NLGN4Y: variants seen among roughly 807,000 people sequenced by gnomAD.
NLGN4Y encodes the protein neuroligin 4 Y-linked.
NLGN4Y carries 4 observed loss-of-function variants against 8.4 expected under a neutral mutation model. The observed-to-expected ratio is 0.48, with a 90% confidence interval of 0.23 to 1.09. The LOEUF (loss-of-function observed/expected upper bound fraction) is 1.09, where lower values mean the gene tolerates loss of function less well. Ranked by LOEUF, NLGN4Y falls within the 50% of genes least tolerant of loss-of-function variation. NLGN4Y has a pLI of 0.19. For synonymous variants in NLGN4Y, 35 were observed against 75.6 expected (o/e 0.46, Z 2.78); for missense variants, 90 against 192.3 (o/e 0.47, Z 3.15).
intron 5 of NLGN4Y, among the ~76,000 whole-genome samples, chrY:14,828,752 T>G (rs2043158874): frequency 3.0e-5 from 1 of 33,656 alleles, no homozygotes; most frequent in African/African-American, 1.2e-4. Context: ...GACTTACAGC[T>G]GAATGCTTTA....
intron 2 of NLGN4Y, among the ~76,000 whole-genome samples, chrY:14,718,803 T>C: frequency 3.0e-5 from 1 of 33,724 alleles, no homozygotes; most frequent in South Asian, 6.5e-4. Flanking sequence ...TAGTAGATGT[T>C]AATACAAGAA....
intron 4 of NLGN4Y, among the ~76,000 whole-genome samples, chrY:14,761,407 T>C: frequency 1.2e-4 from 4 of 34,059 alleles, no homozygotes; most frequent in African/African-American, 4.6e-4. Flanking sequence ...ATTGAAAGCA[T>C]GTGCTTACTG....
chrY:14,833,331 C>T (rs2150598375), intron 6 of NLGN4Y, among the ~76,000 whole-genome samples: 1 of 33,276 alleles, frequency 3.0e-5, no homozygotes, highest in East Asian at 7.9e-4. Context: ...CATACATCCT[C>T]ATCAGCTGAC....
chrY:14,594,059 CTCAGA>C lies in NLGN4Y; in HGVS notation c.-111-27948_-111-27944del, dbSNP rs763202350. On this transcript the variant is annotated intron_variant, in intron 1 of 6. Coordinates refer to ENST00000684976, the MANE Select transcript of NLGN4Y (RefSeq NM_001365588.1). ...CTGATTACAGGCTGCCCCAGGATTC[CTCAGA>C]TGGTAACTGACCTTGAGGACAGTCG... is the stretch of plus-strand genomic sequence containing the variant. Among the ~76,000 whole-genome samples the C allele has an allele frequency of 1.2e-4, 4 of 33,767 alleles. No homozygotes were observed. In the East Asian group the frequency reaches 3.1e-3, roughly 27 times the overall value. 90.6% of individuals were successfully genotyped at this position (33,767 alleles called of 37,273 possible). A position where few individuals can be genotyped will look rare whatever the true frequency, so the allele number is the denominator to read the frequency against.
At chrY:14,826,196 A>T (rs1006574978) in intron 5 of NLGN4Y, among the ~76,000 whole-genome samples, 2 of 33,478 alleles carry the variant, frequency 6.0e-5, no homozygotes, top group African/African-American at 2.3e-4. Flanking sequence ...GGTACAAATG[A>T]ATATTCATAA....
chrY:14,770,607 C>G, intron 4 of NLGN4Y, among the ~76,000 whole-genome samples: 1 of 33,718 alleles, frequency 3.0e-5, no homozygotes. Context: ...AAAACCAGCG[C>G]AAAAAGCCTG....
intron 2 of NLGN4Y, among the ~76,000 whole-genome samples, chrY:14,685,415 G>C (rs2080785943): frequency 3.0e-5 from 1 of 33,049 alleles, no homozygotes; most frequent in African/African-American, 1.2e-4. Flanking sequence ...ATACTAAAAG[G>C]CCATTACCTT....
chrY:14,542,224 G>A (rs2080151646), intron 1 of NLGN4Y, among the ~76,000 whole-genome samples: 1 of 33,806 alleles, frequency 3.0e-5, no homozygotes, highest in Admixed American at 2.6e-4. Context: ...TAATGGTAAA[G>A]GGATCAATGC....
chrY:14,584,148 A>G (rs2080329640), intron 1 of NLGN4Y, among the ~76,000 whole-genome samples: 2 of 32,859 alleles, frequency 6.1e-5, no homozygotes, highest in Non-Finnish European at 1.5e-4. Flanking sequence ...TATTTTTTGA[A>G]ACATAGTTTC....
chrY:14,640,840 A>G, intron 2 of NLGN4Y, among the ~76,000 whole-genome samples: 2 of 34,052 alleles, frequency 5.9e-5, no homozygotes, highest in East Asian at 1.6e-3. Flanking sequence ...TTTAGCTTTT[A>G]TATCAGTTCT....
chrY:14,731,227 G>A, intron 4 of NLGN4Y, among the ~76,000 whole-genome samples: 2 of 31,896 alleles, frequency 6.3e-5, no homozygotes, highest in Non-Finnish European at 1.5e-4. Context: ...TAGGAACAGG[G>A]TTTCACCATG....
intron 2 of NLGN4Y, among the ~76,000 whole-genome samples, chrY:14,649,491 ACT>A (rs2080621703): frequency 3.2e-5 from 1 of 31,132 alleles, no homozygotes; most frequent in African/African-American, 1.3e-4. Flanking sequence ...TACAAAGTAG[ACT>A]CTCTGCCCCA....
At chrY:14,536,235 G>GTTT (rs58267140) in intron 1 of NLGN4Y, among the ~76,000 whole-genome samples, 1 of 12,956 alleles carries the variant, frequency 7.7e-5, no homozygotes, top group East Asian at 3.1e-3. Context: ...TTTCCTGAAG[G>GTTT]TTTTTTTTTT....
chrY:14,649,063 CTG>C (rs2080620642), intron 2 of NLGN4Y, among the ~76,000 whole-genome samples: 1 of 31,079 alleles, frequency 3.2e-5, no homozygotes, highest in African/African-American at 1.2e-4. Context: ...ACAATGAAAA[CTG>C]TATATTTAAG....
At chrY:14,658,675 A>G (rs966751552) in intron 2 of NLGN4Y, among the ~76,000 whole-genome samples, 4 of 33,061 alleles carry the variant, frequency 1.2e-4, no homozygotes, top group African/African-American at 4.7e-4. Flanking sequence ...AGCTGGGACC[A>G]TAAGTGTGTG....
intron 4 of NLGN4Y, among the ~76,000 whole-genome samples, chrY:14,783,533 C>T: frequency 3.0e-5 from 1 of 33,081 alleles, no homozygotes; most frequent in Non-Finnish European, 7.4e-5. Context: ...TTTTTAGTCT[C>T]TATCTGCCTG....
intron 4 of NLGN4Y, among the ~76,000 whole-genome samples, chrY:14,809,584 G>A (rs1603504271): frequency 1.1e-4 from 3 of 27,952 alleles, no homozygotes; most frequent in Non-Finnish European, 2.5e-4. Context: ...GTCTCACTCC[G>A]TCACCGAGGC....
At chrY:14,589,948 C>T in intron 1 of NLGN4Y, among the ~76,000 whole-genome samples, 1 of 34,668 alleles carries the variant, frequency 2.9e-5, no homozygotes, top group Non-Finnish European at 7.3e-5. Flanking sequence ...CAGCTGAGGC[C>T]CAGCTAGAAA....
intron 4 of NLGN4Y, among the ~76,000 whole-genome samples, chrY:14,796,544 G>T (rs769143986): frequency 3.8e-3 from 100 of 26,126 alleles, no homozygotes; most frequent in Admixed American, 6.7e-3. Context: ...GCAGCGAGCC[G>T]TGATGGCGCC....
Sources: gnomAD v4.1 joint callset for allele counts (sites outside exome capture counted in the v4.1 genomes callset) on GRCh38, gnomAD v4.1.1 for gene constraint, MANE v1.5 for transcripts, NCBI Gene and HGNC (gene_info 2026-07-23, HGNC 2026-07-21) for gene names.